The following TRPC6 variants were observed in gnomAD, a reference collection of about 807,000 sequenced individuals.
TRPC6 encodes the protein transient receptor potential cation channel subfamily C member 6, also known as short transient receptor potential channel 6.
A neutral mutation model predicts 90.7 loss-of-function variants in TRPC6; 55 were observed. The observed-to-expected ratio is 0.61, with a 90% CI of 0.49 to 0.76. The LOEUF is 0.76. TRPC6 is among the 30% of genes least tolerant of loss of function. The pLI is 0.00. For synonymous variants in TRPC6, 393 were observed against 393.0 expected, an observed-to-expected ratio of 1.00 and a Z score of 0.00; for missense variants, 989 against 1,122.7, an observed-to-expected ratio of 0.88 and a Z score of 1.70.
At chr11:101,550,836 T>A (rs530415643) in intron 1 of TRPC6, among the ~76,000 whole-genome samples, 3 of 151,872 alleles carry the variant, frequency 2.0e-5, no homozygotes, top group Non-Finnish European at 4.4e-5. Flanking sequence ...ATTTTTATTT[T>A]AAAAATAATA....
intron 1 of TRPC6, among the ~76,000 whole-genome samples, chr11:101,579,802 G>GT (rs1862153134): frequency 6.6e-6 from 1 of 152,090 alleles, no homozygotes; most frequent in African/African-American, 2.4e-5. Flanking sequence ...GGGCACAGGG[G>GT]TATCTCAGTT....
rs1437459910 is a variant in TRPC6 at position 101,499,641 on chromosome 11, A to ATATATATATATACACAATATAAAATGTG, written c.945+4355_945+4382dup. ...TATACACACACAATATAAAATGTGT[A>ATATATATATATACACAATATAAAATGTG]TATATATATATACACAATATAAAAT... On this transcript the variant is annotated intron_variant, in intron 2 of 12. Coordinates refer to ENST00000344327, the MANE Select transcript of TRPC6 (RefSeq NM_004621.6). 2.2e-4 allele frequency among the ~76,000 whole-genome samples: 9 copies of ATATATATATATACACAATATAAAATGTG among 41,774 alleles called. 1 individual carries two copies. The highest frequency in any genetic ancestry group is 3.8e-4 in the Admixed American group (2 of 5,220). The allele number at this position is 41,774 out of a possible 152,430, so 27.4% of individuals were successfully genotyped here.
At chr11:101,522,894 A>G (rs1860694178) in intron 1 of TRPC6, among the ~76,000 whole-genome samples, 1 of 152,254 alleles carries the variant, frequency 6.6e-6, no homozygotes. Context: ...GTAAAGCTCT[A>G]TCAGACTAAG....
intron 1 of TRPC6, among the ~76,000 whole-genome samples, chr11:101,550,423 T>TA (rs1861425277): frequency 6.6e-6 from 1 of 151,742 alleles, no homozygotes; most frequent in Admixed American, 6.6e-5. Context: ...TTTGATTTGT[T>TA]AGAGTGCAGA....
chr11:101,501,676 G>C (rs1201401154), intron 2 of TRPC6, among the ~76,000 whole-genome samples: 1 of 152,072 alleles, frequency 6.6e-6, no homozygotes, highest in Non-Finnish European at 1.5e-5. Context: ...CAGAGAAAAA[G>C]AATATTTGTT....
chr11:101,558,739 G>A (rs1192074909), intron 1 of TRPC6, among the ~76,000 whole-genome samples: 2 of 151,978 alleles, frequency 1.3e-5, no homozygotes, highest in Non-Finnish European at 2.9e-5. Flanking sequence ...TTTTGACAAA[G>A]GTGCCAAGAA....
At chr11:101,468,650 T>A (rs1452024161) in intron 10 of TRPC6, among the ~76,000 whole-genome samples, 1 of 152,318 alleles carries the variant, frequency 6.6e-6, no homozygotes. Flanking sequence ...TCCTCTTGAA[T>A]CTGACTATGA....
chr11:101,522,080 G>A (rs2136779838), intron 1 of TRPC6, among the ~76,000 whole-genome samples: 1 of 152,246 alleles, frequency 6.6e-6, no homozygotes, highest in Non-Finnish European at 1.5e-5. Context: ...AGGGATGACT[G>A]TGTTTTGCAA....
chr11:101,512,164 CAATT>C (rs1860408948), intron 1 of TRPC6, among the ~76,000 whole-genome samples: 1 of 152,062 alleles, frequency 6.6e-6, no homozygotes, highest in African/African-American at 2.4e-5. Context: ...CATTTTGATT[CAATT>C]AGTTTCAATT....
chr11:101,458,549 G>A (rs1858935145), intron 10 of TRPC6, among the ~76,000 whole-genome samples: 1 of 152,154 alleles, frequency 6.6e-6, no homozygotes, highest in African/African-American at 2.4e-5. Context: ...CTTTCAGACT[G>A]TACATCTGAA....
intron 2 of TRPC6, among the ~76,000 whole-genome samples, chr11:101,502,919 G>A (rs1460653958): frequency 6.6e-6 from 1 of 152,038 alleles, no homozygotes; most frequent in Non-Finnish European, 1.5e-5. Context: ...AGACTGGGCT[G>A]TAATCCCTCA....
chr11:101,462,461 T>G (rs573976055), intron 10 of TRPC6, among the ~76,000 whole-genome samples: 1 of 144,428 alleles, frequency 6.9e-6, no homozygotes, highest in African/African-American at 2.4e-5. Flanking sequence ...GATTTTCCAT[T>G]TGTTTAAGTC....
At chr11:101,552,655 G>C (rs547804464) in intron 1 of TRPC6, among the ~76,000 whole-genome samples, 19 of 152,114 alleles carry the variant, frequency 1.2e-4, no homozygotes, top group African/African-American at 4.6e-4. Flanking sequence ...TTTAGTCTTA[G>C]CTATTAGATT....
At chr11:101,502,689 T>C (rs562267100) in intron 2 of TRPC6, among the ~76,000 whole-genome samples, 1 of 152,320 alleles carries the variant, frequency 6.6e-6, no homozygotes, top group East Asian at 1.9e-4. Flanking sequence ...GAGACAGGGT[T>C]AGAAGGACCA....
At chr11:101,468,099 C>T (rs1387080779) in intron 10 of TRPC6, among the ~76,000 whole-genome samples, 1 of 152,202 alleles carries the variant, frequency 6.6e-6, no homozygotes, top group African/African-American at 2.4e-5. Context: ...CACTTGCCTT[C>T]TTGCTGTCTT....
At position 101,471,264 on chromosome 11, in the gene TRPC6, G is replaced by A. The variant is rs776414025; in HGVS notation, c.2328C>T (p.Leu776=). 3 of 1,613,980 alleles carry A rather than the reference G, an allele frequency of 1.9e-6. No individual in the cohort carries two copies. The highest frequency in any genetic ancestry group is 2.5e-6 in the Non-Finnish European group (3 of 1,179,896). ...LVPSPKSLFY[L]LLKLKKWISE... is the part of the protein sequence containing the mutation. ...AAATCCATTTTTTAAGCTTCAGTAAGAGATAAAACAGGGACTTTGGACTCG... is the reference window on the plus strand; with the variant it reads ...AAATCCATTTTTTAAGCTTCAGTAAAAGATAAAACAGGGACTTTGGACTCG... The change falls in exon 9 of 13, where the codon CTC becomes CTT. Residue 776 remains leucine (L), a synonymous_variant. Coordinates refer to ENST00000344327, the MANE Select transcript of TRPC6 (RefSeq NM_004621.6).
chr11:101,484,373 G>A (rs1483689334), intron 4 of TRPC6, among the ~76,000 whole-genome samples: 3 of 152,088 alleles, frequency 2.0e-5, no homozygotes, highest in Non-Finnish European at 2.9e-5. Flanking sequence ...GCCTACATAT[G>A]TAAATTATTA....
intron 1 of TRPC6, among the ~76,000 whole-genome samples, chr11:101,537,226 CT>C (rs1322729678): frequency 9.2e-5 from 14 of 152,074 alleles, no homozygotes; most frequent in African/African-American, 3.4e-4. Flanking sequence ...TATATTATAC[CT>C]TTTTTTCAAC....
chr11:101,568,409 G>C (rs574798389), intron 1 of TRPC6, among the ~76,000 whole-genome samples: 12 of 152,174 alleles, frequency 7.9e-5, no homozygotes, highest in African/African-American at 2.7e-4. Flanking sequence ...AAAGTGATGG[G>C]AAGAATGGAA....
Sources: allele counts gnomAD v4.1 joint callset (sites outside exome capture counted in the v4.1 genomes callset), GRCh38; gene constraint gnomAD v4.1.1; transcripts MANE v1.5; gene names NCBI Gene and HGNC (gene_info 2026-07-23, HGNC 2026-07-21).